The following TAOK1 variants were observed in gnomAD, a reference collection of about 807,000 sequenced individuals.
TAOK1 encodes the protein TAO kinase 1.
In TAOK1, 21 loss-of-function variants were observed where a neutral mutation model predicts 138.3. The observed-to-expected ratio is 0.15, with a 90% confidence interval of 0.11 to 0.22. The LOEUF (loss-of-function observed/expected upper bound fraction) is 0.22. TAOK1 is among the 10% of genes least tolerant of loss of function. The pLI is 1.00. For synonymous variants in TAOK1, 361 were observed against 398.4 expected (o/e 0.91, Z 1.12); for missense variants, 651 against 1,227.7 (o/e 0.53, Z 7.02).
intron 10 of TAOK1, among the ~76,000 whole-genome samples, chr17:29,494,825 C>CAAAA (rs368548444): frequency 3.3e-4 from 16 of 48,246 alleles, no homozygotes; most frequent in South Asian, 6.4e-4. Context: ...GACTCCGTCT[C>CAAAA]AAAAAAAAAA....
chr17:29,406,248 C>G (rs532555519), intron 1 of TAOK1, among the ~76,000 whole-genome samples: 25 of 152,006 alleles, frequency 1.6e-4, no homozygotes, highest in African/African-American at 6.0e-4. Flanking sequence ...CAAATGTCCC[C>G]TAGGGAGCAA....
At chr17:29,488,104 A>T (rs1479442119) in intron 8 of TAOK1, among the ~76,000 whole-genome samples, 1 of 152,190 alleles carries the variant, frequency 6.6e-6, no homozygotes, top group African/African-American at 2.4e-5. Context: ...TCTTCAGAGG[A>T]TTGGTTCCAG....
chr17:29,440,559 T>C (rs2029912576), intron 1 of TAOK1, among the ~76,000 whole-genome samples: 1 of 151,890 alleles, frequency 6.6e-6, no homozygotes, highest in Admixed American at 6.6e-5. Flanking sequence ...TAATTCTTAA[T>C]GGTTATATCA....
intron 1 of TAOK1, among the ~76,000 whole-genome samples, chr17:29,439,352 G>A (rs767534026): frequency 1.3e-5 from 2 of 151,840 alleles, no homozygotes; most frequent in Admixed American, 1.3e-4. Flanking sequence ...ACAGGTGCGC[G>A]CCACCATGCC....
intron 19 of TAOK1, among the ~76,000 whole-genome samples, chr17:29,542,206 A>C (rs918300544): frequency 6.6e-6 from 1 of 152,170 alleles, no homozygotes; most frequent in Non-Finnish European, 1.5e-5. Flanking sequence ...CCATAGCATC[A>C]AATAATAGAC....
chr17:29,484,658 G>A (rs2031131405), intron 8 of TAOK1, among the ~76,000 whole-genome samples: 1 of 152,076 alleles, frequency 6.6e-6, no homozygotes, highest in African/African-American at 2.4e-5. Context: ...AGGCTGGAGT[G>A]TAGTGGCACA....
chr17:29,472,102 T>C (rs186948118), intron 3 of TAOK1, among the ~76,000 whole-genome samples: 4 of 152,280 alleles, frequency 2.6e-5, no homozygotes, highest in East Asian at 1.9e-4. Context: ...AATCCACTTA[T>C]TGCAAACTCC....
rs2032362277 is a variant in TAOK1, at chr17:29,543,990, T to G, written c.*968T>G. 1 of 152,450 alleles carries G rather than the reference T, an allele frequency of 6.6e-6. No individual in the cohort carries two copies. Among genetic ancestry groups the G allele is most frequent in the African/African-American group, 2.4e-5 (1 of 41,452 alleles). The allele number at this position is 152,450 out of a possible 1,614,324, so 9.4% of individuals were successfully genotyped here. On this transcript the variant is annotated 3_prime_UTR_variant, in exon 20 of 20. Coordinates refer to ENST00000261716, the MANE Select transcript of TAOK1 (RefSeq NM_020791.4). ...TTATACTGTGATATCTCATCCTAGC[T>G]AAGCTCTATAATGCCCAAGACCCCA...
intron 1 of TAOK1, among the ~76,000 whole-genome samples, chr17:29,439,959 G>A (rs1182768834): frequency 2.0e-5 from 3 of 150,824 alleles, no homozygotes; most frequent in South Asian, 2.1e-4. Context: ...TCCTACTTCC[G>A]AAACTCCTCA....
chr17:29,495,259 AAACCT>A (rs2031389830), intron 10 of TAOK1, among the ~76,000 whole-genome samples: 1 of 152,194 alleles, frequency 6.6e-6, no homozygotes, highest in African/African-American at 2.4e-5. Flanking sequence ...TAGAATATGT[AAACCT>A]TGAGAGCTCT....
At chr17:29,462,844 G>C (rs546562306) in intron 2 of TAOK1, among the ~76,000 whole-genome samples, 88 of 152,134 alleles carry the variant, frequency 5.8e-4, no homozygotes, top group South Asian at 4.8e-3. Context: ...TTCTGTTCCC[G>C]TTTTTCTCTC....
rs1456984069 is a variant in TAOK1 at position 29,544,332 on chromosome 17, GT to G, written c.*1312del. 1 of 152,480 alleles carries G rather than the reference GT, an allele frequency of 6.6e-6. No homozygotes were observed. Among genetic ancestry groups the G allele is most frequent in the Admixed American group, 6.6e-5 (1 of 15,252 alleles). 9.4% of individuals were successfully genotyped at this position (152,480 alleles called of 1,614,324 possible). The stretch of plus-strand genomic sequence containing the variant: ...TCCTCTATTTTTAATTGCTGTTTTC[GT>G]TGCTGCAGTACTTTACAAACTTCTA... On this transcript the variant is annotated 3_prime_UTR_variant, in exon 20 of 20. Transcript: ENST00000261716.
At chr17:29,470,390 C>T (rs1238616242) in intron 3 of TAOK1, among the ~76,000 whole-genome samples, 1 of 152,098 alleles carries the variant, frequency 6.6e-6, no homozygotes, top group South Asian at 2.1e-4. Context: ...TAATTATTCA[C>T]TAGCATTTTA....
At chr17:29,491,924 A>G (rs2031303543) in intron 10 of TAOK1, 59 bp downstream of exon 10, 2 of 1,352,054 alleles carry the variant, frequency 1.5e-6, no homozygotes, top group South Asian at 2.5e-5. Flanking sequence ...TCACTTTGTC[A>G]CCCAGGCTGG....
intron 17 of TAOK1, among the ~76,000 whole-genome samples, chr17:29,527,181 A>C (rs549811391): frequency 6.6e-6 from 1 of 152,230 alleles, no homozygotes; most frequent in South Asian, 2.1e-4. Context: ...CCAGCTACTC[A>C]GGTGGCTGAG....
chr17:29,535,690 C>CA (rs1415895322), intron 19 of TAOK1, among the ~76,000 whole-genome samples: 2 of 151,556 alleles, frequency 1.3e-5, no homozygotes, highest in African/African-American at 4.9e-5. Flanking sequence ...CCTGCCTCTA[C>CA]AAAAAATACA....
intron 7 of TAOK1, among the ~76,000 whole-genome samples, chr17:29,481,804 C>CA (rs2153026877): frequency 6.6e-6 from 1 of 151,882 alleles, no homozygotes; most frequent in African/African-American, 2.4e-5. Flanking sequence ...CTAAAAAATA[C>CA]AAAAAATTAG....
intron 16 of TAOK1, among the ~76,000 whole-genome samples, chr17:29,521,580 T>A (rs918218465): frequency 6.6e-6 from 1 of 152,090 alleles, no homozygotes; most frequent in African/African-American, 2.4e-5. Context: ...AGCTCTCTAG[T>A]GTCCATGTTT....
chr17:29,550,062 A>G lies in TAOK1; in HGVS notation c.*7040A>G, dbSNP rs2032464917. On this transcript the variant is annotated 3_prime_UTR_variant, in exon 20 of 20. Coordinates refer to ENST00000261716, the MANE Select transcript of TAOK1 (RefSeq NM_020791.4). Reference sequence around the variant, plus strand: ...ATTTTATCACACCTTGACACCTTATATATGAGCCTATTAGGAGCTGCAGGT... The same window carrying G: ...ATTTTATCACACCTTGACACCTTATGTATGAGCCTATTAGGAGCTGCAGGT... 1 of 152,206 alleles carries G rather than the reference A, an allele frequency of 6.6e-6. No homozygotes were observed. The highest frequency in any genetic ancestry group is 2.4e-5 in the African/African-American group (1 of 41,452). 9.4% of individuals were successfully genotyped at this position (152,206 alleles called of 1,614,324 possible).
Sources: allele counts gnomAD v4.1 joint callset (sites outside exome capture counted in the v4.1 genomes callset), GRCh38; gene constraint gnomAD v4.1.1; transcripts MANE v1.5; gene names NCBI Gene and HGNC (gene_info 2026-07-23, HGNC 2026-07-21).